The following ZNF205 variants were observed in gnomAD, a reference collection of about 807,000 sequenced individuals.
The protein encoded by ZNF205 is transcriptional repressor RHIT.
In ZNF205, 32 loss-of-function variants were observed where a neutral mutation model predicts 53.6. The ratio of observed to expected loss-of-function variants is 0.60; its 90% CI spans 0.45 to 0.80. ZNF205 has a LOEUF of 0.80. Ranked by LOEUF, ZNF205 falls within the 30% of genes least tolerant of loss-of-function variation. ZNF205 has a pLI of 0.00. For synonymous variants in ZNF205, 382 were observed against 334.3 expected, an observed-to-expected ratio of 1.14 and a Z score of -1.56; for missense variants, 836 against 782.4, an observed-to-expected ratio of 1.07 and a Z score of -0.82.
intron 1 of ZNF205, 31 bp from the exon 2 acceptor site, chr16:3,113,384 AAG>A: frequency 1.9e-6 from 3 of 1,608,650 alleles, no homozygotes; most frequent in Non-Finnish European, 2.5e-6. Flanking sequence ...CTTGGCCAAA[AAG>A]AGGGAGAAAC....
Position 3,119,842 on chromosome 16 carries a change from C to A in ZNF205, c.1182C>A (p.Cys394Ter). Residue 394 changes from cysteine (C) to a stop codon, truncating the protein, a stop_gained, in exon 7 of 7, where the codon TGC becomes TGA. Transcript: ENST00000219091. LOFTEE classifies it high-confidence loss of function. ...RIHTGEKPYV[C>*]DRCAKRFTRR... ...ACACCGGAGAGAAGCCCTACGTGTGCGACCGCTGCGCCAAGCGCTTCACCC... is the reference window on the plus strand; with the variant it reads ...ACACCGGAGAGAAGCCCTACGTGTGAGACCGCTGCGCCAAGCGCTTCACCC... The A allele has an allele frequency of 6.2e-7, 1 of 1,613,470 alleles. No homozygotes were observed. The highest frequency in any genetic ancestry group is 8.5e-7 in the Non-Finnish European group (1 of 1,179,850).
intron 5 of ZNF205, among the ~76,000 whole-genome samples, chr16:3,117,753 A>T (rs773955491): frequency 7.9e-5 from 12 of 152,026 alleles, no homozygotes; most frequent in Admixed American, 1.3e-4. Flanking sequence ...GTGCCCAGCC[A>T]TCCCAGAGCT....
chr16:3,115,045 C>T (rs928170585), intron 2 of ZNF205: 9 of 244,330 alleles, frequency 3.7e-5, no homozygotes, highest in Non-Finnish European at 7.1e-5. Context: ...GGACACTATT[C>T]AAGCCACTAC....
Position 3,115,879 on chromosome 16 carries a change from G to A in ZNF205, c.322G>A (p.Asp108Asn), listed in dbSNP as rs1957338965. 1 of 1,613,934 alleles carries A rather than the reference G, an allele frequency of 6.2e-7. No individual in the cohort carries two copies. The highest frequency in any genetic ancestry group is 1.7e-5 in the Admixed American group (1 of 59,992). The change falls in exon 4 of 7, where the codon GAC becomes AAC. Residue 108 changes from aspartate to asparagine, a missense_variant. By Grantham distance (23) the Asp-to-Asn change is conservative. Coordinates refer to ENST00000219091, the MANE Select transcript of ZNF205 (RefSeq NM_001042428.2). ...PVLSREGRTR[D>N]RQMAAALLTA... ...GCTTTCCCGAGAGGGGAGGACCAGAGACCGGCAGATGGCTGCAGCGCTCCT... is the reference window on the plus strand; with the variant it reads ...GCTTTCCCGAGAGGGGAGGACCAGAAACCGGCAGATGGCTGCAGCGCTCCT...
At chr16:3,113,755 G>A (rs1023141189) in intron 2 of ZNF205, among the ~76,000 whole-genome samples, 7 of 152,162 alleles carry the variant, frequency 4.6e-5, no homozygotes, top group Non-Finnish European at 8.8e-5. Flanking sequence ...TCTGAGCAGC[G>A]CTCAGAGCAC....
chr16:3,117,023 T>C (rs1308959177), intron 5 of ZNF205, among the ~76,000 whole-genome samples: 2 of 152,186 alleles, frequency 1.3e-5, no homozygotes, highest in East Asian at 1.9e-4. Flanking sequence ...CTCGATCTCC[T>C]GAACTCGTGA....
At chr16:3,119,123 G>C in intron 6 of ZNF205, 108 bp downstream of exon 6, 1 of 1,504,384 alleles carries the variant, frequency 6.6e-7, no homozygotes, top group Non-Finnish European at 9.0e-7. Flanking sequence ...CTCCTGGGCG[G>C]TTTGCGCCCA....
rs753990680 is a variant in ZNF205, at chr16:3,115,861, C to A, written c.304C>A (p.Arg102=). The A allele has an allele frequency of 6.2e-7, 1 of 1,614,066 alleles. No homozygotes were observed. Among genetic ancestry groups the A allele is most frequent in the East Asian group, 2.2e-5 (1 of 44,884 alleles). ...CTCCCCCCGGATCCCCGTGCTTTCC[C>A]GAGAGGGGAGGACCAGAGACCGGCA... ...LPSPRIPVLS[R]EGRTRDRQMA... is the part of the protein sequence containing the mutation. Residue 102 remains arginine, a synonymous_variant, in exon 4 of 7, where the codon CGA becomes AGA. Coordinates refer to ENST00000219091, the MANE Select transcript of ZNF205 (RefSeq NM_001042428.2).
Position 3,113,143 on chromosome 16 carries a change from C to T in ZNF205, c.-14-274C>T, listed in dbSNP as rs993779212. Among the ~76,000 whole-genome samples, 6 of 152,214 alleles carry T rather than the reference C, an allele frequency of 3.9e-5. No homozygotes were observed. In the South Asian group the frequency reaches 8.3e-4, roughly 21 times the overall value. Reference sequence around the variant, plus strand: ...GCCGGTTACACTGAGATGCGAGGCTCTTGCTTCAGCAATAAAGGGGACAAT... The same window carrying T: ...GCCGGTTACACTGAGATGCGAGGCTTTTGCTTCAGCAATAAAGGGGACAAT... On this transcript the variant is annotated intron_variant, in intron 1 of 6. Coordinates refer to ENST00000219091, the MANE Select transcript of ZNF205 (RefSeq NM_001042428.2).
chr16:3,113,379 C>T, intron 1 of ZNF205, 38 bp from the exon 2 acceptor site: 1 of 1,605,330 alleles, frequency 6.2e-7, no homozygotes. Flanking sequence ...GGGGGCTTGG[C>T]CAAAAAGAGG....
intron 5 of ZNF205, among the ~76,000 whole-genome samples, chr16:3,117,752 C>T (rs1449680042): frequency 6.6e-6 from 1 of 152,020 alleles, no homozygotes; most frequent in Non-Finnish European, 1.5e-5. Context: ...TGTGCCCAGC[C>T]ATCCCAGAGC....
chr16:3,117,469 A>C (rs115928821), intron 5 of ZNF205, among the ~76,000 whole-genome samples: 2,363 of 14,686 alleles, frequency 0.16, 73 homozygotes, highest in African/African-American at 0.27. Context: ...TTTTTTTTGA[A>C]ACACAGCCTT....
At chr16:3,115,291 A>G in intron 2 of ZNF205, 64 bp from the exon 3 acceptor site, 2 of 1,314,656 alleles carry the variant, frequency 1.5e-6, no homozygotes, top group Non-Finnish European at 2.0e-6. Flanking sequence ...GCCGGAGCGC[A>G]CTGCCATGTG....
intron 3 of ZNF205, 41 bp from the exon 4 acceptor site, chr16:3,115,788 A>C: frequency 6.4e-7 from 1 of 1,568,334 alleles, no homozygotes; most frequent in Non-Finnish European, 8.7e-7. Flanking sequence ...CAGGTCCAGC[A>C]GGATGAGCTG....
chr16:3,118,858 G>A (rs1957379626), intron 5 of ZNF205, 47 bp from the exon 6 acceptor site: 2 of 1,587,486 alleles, frequency 1.3e-6, no homozygotes, highest in Non-Finnish European at 1.7e-6. Flanking sequence ...TCTGCAGCTG[G>A]GCAGCGCCAG....
At chr16:3,113,554 C>T (rs1957299832) in intron 2 of ZNF205, 67 bp downstream of exon 2, 2 of 1,571,062 alleles carry the variant, frequency 1.3e-6, no homozygotes, top group Admixed American at 1.8e-5. Flanking sequence ...ATTTTCAAGG[C>T]ACAGAGTCTG....
chr16:3,119,235 G>C, intron 6 of ZNF205, 21 bp from the exon 7 acceptor site: 1 of 1,558,846 alleles, frequency 6.4e-7, no homozygotes, highest in Non-Finnish European at 8.7e-7. Context: ...TCCCTAGCTG[G>C]AAACGACTTT....
chr16:3,120,097 C>T lies in ZNF205; in HGVS notation c.1437C>T (p.Leu479=). The T allele has an allele frequency of 1.2e-6, 2 of 1,613,634 alleles. No individual in the cohort carries two copies. The highest frequency in any genetic ancestry group is 1.3e-5 in the African/African-American group (1 of 75,004). Residue 479 remains leucine (L), a synonymous_variant, in exon 7 of 7, where the codon CTC becomes CTT. Transcript: ENST00000219091. ...CAGGCGAGAAGCCCTACCACTGCCT[C>T]GACTGCGGCAAGAGCTTCAGCCACA... ...THTGEKPYHC[L]DCGKSFSHSS... is the part of the protein sequence containing the mutation.
At chr16:3,115,799 A>G (rs1476685095) in intron 3 of ZNF205, 30 bp from the exon 4 acceptor site, 8 of 1,588,178 alleles carry the variant, frequency 5.0e-6, no homozygotes, top group African/African-American at 2.7e-5. Context: ...GGATGAGCTG[A>G]TCACCGTGAG....
Sources: gnomAD v4.1 joint callset for allele counts (sites outside exome capture counted in the v4.1 genomes callset) on GRCh38, gnomAD v4.1.1 for gene constraint, MANE v1.5 for transcripts, NCBI Gene and HGNC (gene_info 2026-07-23, HGNC 2026-07-21) for gene names.